RBFOX1: variants seen among roughly 807,000 people sequenced by gnomAD.
RBFOX1 encodes RNA binding protein fox-1 homolog 1.
Under a neutral mutation model 57.7 loss-of-function variants are expected in RBFOX1, and 8 were observed. The ratio of observed to expected loss-of-function variants is 0.14; its 90% CI spans 0.08 to 0.25. The LOEUF is 0.25. RBFOX1 is among the 10% of genes least tolerant of loss of function. The pLI is 1.00. For missense variants in RBFOX1, 611 were observed against 548.5 expected (o/e 1.11, Z -1.14); for synonymous variants, 326 against 222.4 (o/e 1.47, Z -4.15).
chr16:5,353,754 G>A (rs1321492240), intron 1 of RBFOX1, among the ~76,000 whole-genome samples: 2 of 148,554 alleles, frequency 1.3e-5, no homozygotes, highest in Non-Finnish European at 3.0e-5. Context: ...GCCATGCCCT[G>A]TGAGACACTG....
intron 3 of RBFOX1, among the ~76,000 whole-genome samples, chr16:7,034,307 C>T (rs1014283390): frequency 6.6e-5 from 10 of 152,128 alleles, no homozygotes; most frequent in African/African-American, 2.2e-4. Flanking sequence ...TGTAAGAAGT[C>T]ACTGTAGGAT....
At chr16:7,671,508 A>G in intron 13 of RBFOX1, 1 of 1,513,106 alleles carries the variant, frequency 6.6e-7, no homozygotes, top group Non-Finnish European at 9.1e-7. Flanking sequence ...ATTCTCTTTT[A>G]TTTATTTCAT....
At chr16:7,561,554 C>T (rs1409809652) in intron 5 of RBFOX1, among the ~76,000 whole-genome samples, 3 of 152,200 alleles carry the variant, frequency 2.0e-5, no homozygotes, top group Non-Finnish European at 4.4e-5. Context: ...AGGATTCTTT[C>T]ACTGTCAAAT....
intron 1 of RBFOX1, among the ~76,000 whole-genome samples, chr16:6,313,917 C>T (rs2080728501): frequency 6.6e-6 from 1 of 152,032 alleles, no homozygotes; most frequent in South Asian, 2.1e-4. Context: ...ATGATCATTT[C>T]TGTTCTCGCT....
chr16:6,721,159 T>C (rs184965006), intron 3 of RBFOX1, among the ~76,000 whole-genome samples: 1 of 152,172 alleles, frequency 6.6e-6, no homozygotes, highest in South Asian at 2.1e-4. Flanking sequence ...ACATATCATG[T>C]TGGCCGGGCA....
chr16:6,055,678 CA>C (rs926155601), intron 1 of RBFOX1, among the ~76,000 whole-genome samples: 3 of 147,922 alleles, frequency 2.0e-5, no homozygotes, highest in East Asian at 2.0e-4. Context: ...AGAAGCGAGA[CA>C]AAAAAAAGTG....
In RBFOX1 at chr16:7,212,878, C is replaced by T. The variant is rs553331865; in HGVS notation, c.27+160780C>T. 7.7e-4 allele frequency among the ~76,000 whole-genome samples: 117 copies of T among 152,202 alleles called. 1 individual carries two copies. Among genetic ancestry groups the T allele is most frequent in the African/African-American group, 2.6e-3 (110 of 41,526 alleles). Reference sequence around the variant, plus strand: ...ATAACTTAGGCTACAATGATGATGTCGGTGCTGGTGTTGATGAAGGCAATA... The same window carrying T: ...ATAACTTAGGCTACAATGATGATGTTGGTGCTGGTGTTGATGAAGGCAATA... On this transcript the variant is annotated intron_variant, in intron 4 of 15. Transcript: ENST00000550418.
intron 4 of RBFOX1, among the ~76,000 whole-genome samples, chr16:7,409,677 C>T (rs537025567): frequency 1.3e-5 from 2 of 152,334 alleles, no homozygotes; most frequent in African/African-American, 2.4e-5. Flanking sequence ...GACCTTCTAT[C>T]CTTGGCTATT....
chr16:7,345,377 A>G (rs556721419), intron 4 of RBFOX1, among the ~76,000 whole-genome samples: 2 of 152,292 alleles, frequency 1.3e-5, no homozygotes, highest in African/African-American at 4.8e-5. Context: ...TCCGATGACC[A>G]TCTTAATAAG....
intron 14 of RBFOX1, among the ~76,000 whole-genome samples, chr16:7,702,962 C>G (rs1314226792): frequency 6.6e-6 from 1 of 152,180 alleles, no homozygotes; most frequent in Non-Finnish European, 1.5e-5. Context: ...CTGATGTCCC[C>G]CTTCTTACCT....
At chr16:6,602,621 C>T (rs1350893867) in intron 2 of RBFOX1, among the ~76,000 whole-genome samples, 1 of 152,146 alleles carries the variant, frequency 6.6e-6, no homozygotes, top group African/African-American at 2.4e-5. Flanking sequence ...CTCCTGGCTC[C>T]AGTTCCATTT....
intron 1 of RBFOX1, among the ~76,000 whole-genome samples, chr16:5,465,415 A>G (rs1017316603): frequency 6.6e-6 from 1 of 152,142 alleles, no homozygotes; most frequent in Non-Finnish European, 1.5e-5. Flanking sequence ...TTACGTTCAG[A>G]AGTCCTAGAT....
intron 12 of RBFOX1, 43 bp downstream of exon 12, chr16:7,653,990 C>T: frequency 6.9e-7 from 1 of 1,450,516 alleles, no homozygotes; most frequent in South Asian, 1.4e-5. Context: ...TGCACCAGCC[C>T]TCCCTCCCCA....
intron 3 of RBFOX1, among the ~76,000 whole-genome samples, chr16:5,677,431 AG>A (rs2050201187): frequency 6.6e-6 from 1 of 152,236 alleles, no homozygotes; most frequent in Non-Finnish European, 1.5e-5. Flanking sequence ...CCCTGTTTAC[AG>A]TAGATAAATG....
chr16:6,900,426 C>G (rs556564144), intron 3 of RBFOX1, among the ~76,000 whole-genome samples: 1 of 152,240 alleles, frequency 6.6e-6, no homozygotes, highest in African/African-American at 2.4e-5. Context: ...CATGCTACCA[C>G]TATCTGCTCT....
At chr16:7,173,225 C>T (rs1271444711) in intron 4 of RBFOX1, among the ~76,000 whole-genome samples, 1 of 152,140 alleles carries the variant, frequency 6.6e-6, no homozygotes, top group African/African-American at 2.4e-5. Flanking sequence ...CTACTTTTCT[C>T]CTCCCCCTTT....
chr16:6,769,535 C>A (rs922637893), intron 3 of RBFOX1, among the ~76,000 whole-genome samples: 1 of 152,218 alleles, frequency 6.6e-6, no homozygotes, highest in Non-Finnish European at 1.5e-5. Flanking sequence ...TTTTAATAAA[C>A]ATCAGGCTGT....
intron 3 of RBFOX1, among the ~76,000 whole-genome samples, chr16:6,748,509 A>G (rs1259890611): frequency 6.6e-6 from 1 of 152,104 alleles, no homozygotes; most frequent in African/African-American, 2.4e-5. Context: ...AAAAATAAAG[A>G]TAAAAAATTA....
At position 5,799,540 on chromosome 16, in the gene RBFOX1, T is replaced by C. The variant is rs139295048; in HGVS notation, c.319-67763T>C. Reference sequence around the variant, plus strand: ...ACTTTGAGTACCTACACAACCATTCTGTTTTTTTCACTTTCAGTACAGTAT... The same window carrying C: ...ACTTTGAGTACCTACACAACCATTCCGTTTTTTTCACTTTCAGTACAGTAT... On this transcript the variant is annotated intron_variant, in intron 3 of 19. Coordinates refer to the RBFOX1 transcript ENST00000641259. Among the ~76,000 whole-genome samples, 424 of 152,322 alleles carry C rather than the reference T, an allele frequency of 2.8e-3. 3 individuals carry two copies. Among genetic ancestry groups the C allele is most frequent in the Middle Eastern group, 0.01 (3 of 294 alleles).
Sources: allele counts gnomAD v4.1 joint callset (sites outside exome capture counted in the v4.1 genomes callset), GRCh38; gene constraint gnomAD v4.1.1; transcripts MANE v1.5; gene names NCBI Gene and HGNC (gene_info 2026-07-23, HGNC 2026-07-21).